CELF4: variants seen among roughly 807,000 people sequenced by gnomAD.
CELF4 encodes the protein CUGBP Elav-like family member 4.
In CELF4, 18 loss-of-function variants were observed where a neutral mutation model predicts 59.9. The ratio of observed to expected loss-of-function variants is 0.30; its 90% CI spans 0.21 to 0.45. The LOEUF is 0.45. CELF4 is among the 20% of genes least tolerant of loss of function. CELF4 has a pLI of 1.00. For synonymous variants in CELF4, 261 were observed against 267.1 expected (o/e 0.98, Z 0.22); for missense variants, 456 against 689.0 (o/e 0.66, Z 3.79).
At chr18:37,553,507 C>T (rs980449961) in intron 1 of CELF4, among the ~76,000 whole-genome samples, 2 of 152,198 alleles carry the variant, frequency 1.3e-5, no homozygotes, top group African/African-American at 4.8e-5. Flanking sequence ...GATTCTGGTG[C>T]TTTGCTAACA....
intron 1 of CELF4, among the ~76,000 whole-genome samples, chr18:37,543,528 C>T (rs2099979223): frequency 1.3e-5 from 2 of 152,154 alleles, no homozygotes; most frequent in African/African-American, 4.8e-5. Context: ...TGTGGCTCTG[C>T]CTCCTGCTCC....
chr18:37,545,756 A>G (rs2099981142), intron 1 of CELF4, among the ~76,000 whole-genome samples: 1 of 115,576 alleles, frequency 8.7e-6, no homozygotes, highest in African/African-American at 7.4e-5. Flanking sequence ...GTGGGCATAC[A>G]CACACACACA....
At chr18:37,343,748 G>A (rs551608945) in intron 2 of CELF4, among the ~76,000 whole-genome samples, 21 of 152,086 alleles carry the variant, frequency 1.4e-4, no homozygotes, top group East Asian at 9.7e-4. Context: ...CTCGTGTTCC[G>A]TGCCCTGCGA....
intron 2 of CELF4, among the ~76,000 whole-genome samples, chr18:37,384,116 T>C (rs1456681602): frequency 6.6e-6 from 1 of 151,350 alleles, no homozygotes; most frequent in African/African-American, 2.5e-5. Flanking sequence ...GAGAGATAGA[T>C]ACATGGATTG....
chr18:37,483,414 C>G (rs77466913), intron 2 of CELF4, among the ~76,000 whole-genome samples: 1 of 152,234 alleles, frequency 6.6e-6, no homozygotes, highest in East Asian at 1.9e-4. Context: ...GTTTTTGAGG[C>G]CATGAGTTTC....
chr18:37,410,480 C>A (rs2099431818), intron 2 of CELF4, among the ~76,000 whole-genome samples: 1 of 152,256 alleles, frequency 6.6e-6, no homozygotes, highest in Non-Finnish European at 1.5e-5. Context: ...GAACCTCGGG[C>A]TGGCAAACCC....
At chr18:37,336,260 G>A (rs867650707) in intron 2 of CELF4, among the ~76,000 whole-genome samples, 1 of 152,306 alleles carries the variant, frequency 6.6e-6, no homozygotes, top group South Asian at 2.1e-4. Context: ...GCCTCACTCT[G>A]TCACGCAGGC....
chr18:37,529,137 C>T (rs907910391), intron 1 of CELF4: 4 of 152,128 alleles, frequency 2.6e-5, no homozygotes, highest in African/African-American at 7.2e-5. Context: ...CTCTGTGCCT[C>T]GGTGTCCTCA....
chr18:37,385,579 C>T (rs2099090532), intron 2 of CELF4, among the ~76,000 whole-genome samples: 3 of 152,100 alleles, frequency 2.0e-5, no homozygotes, highest in African/African-American at 7.2e-5. Context: ...CTCCCCTCCA[C>T]CTCCCCCAGC....
intron 1 of CELF4, among the ~76,000 whole-genome samples, chr18:37,555,722 A>G (rs2099984579): frequency 6.6e-6 from 1 of 152,194 alleles, no homozygotes; most frequent in African/African-American, 2.4e-5. Context: ...TGGCTGTCAC[A>G]TTGCTTTAAG....
chr18:37,356,333 G>C (rs920721663), intron 2 of CELF4, among the ~76,000 whole-genome samples: 1 of 152,214 alleles, frequency 6.6e-6, no homozygotes, highest in Non-Finnish European at 1.5e-5. Context: ...CTGTGTTACA[G>C]TAATTGAAGG....
chr18:37,397,826 A>C (rs555851983), intron 2 of CELF4, among the ~76,000 whole-genome samples: 1 of 152,278 alleles, frequency 6.6e-6, no homozygotes, highest in East Asian at 1.9e-4. Context: ...AAATCTCTGA[A>C]TCTGAGCTCT....
At chr18:37,370,736 G>A (rs937026711) in intron 2 of CELF4, among the ~76,000 whole-genome samples, 2 of 152,142 alleles carry the variant, frequency 1.3e-5, no homozygotes, top group African/African-American at 4.8e-5. Context: ...CCTTTTCGCA[G>A]TTGGCCCTGC....
rs772445220 is a variant in CELF4, at chr18:37,565,339, GGGAAA to G, written c.286+12_286+16del. Reference sequence around the variant, plus strand: ...CTCCTGCTCCCCGGCAAAGTTGGGAGGGAAAGGTGTACTCACCTTTGTGCATGCCT... The same window carrying G: ...CTCCTGCTCCCCGGCAAAGTTGGGAGGGTGTACTCACCTTTGTGCATGCCT... On this transcript the variant is annotated intron_variant, in intron 1 of 12. Coordinates refer to ENST00000420428, the MANE Select transcript of CELF4 (RefSeq NM_020180.4). 6.9e-7 allele frequency: 1 copy of G among 1,457,566 alleles called. No individual in the cohort carries two copies. The highest frequency in any genetic ancestry group is 9.1e-7 in the Non-Finnish European group (1 of 1,097,934). 90.3% of individuals were successfully genotyped at this position (1,457,566 alleles called of 1,614,324 possible).
intron 2 of CELF4, among the ~76,000 whole-genome samples, chr18:37,339,674 A>G (rs2097916914): frequency 6.6e-6 from 1 of 151,874 alleles, no homozygotes; most frequent in African/African-American, 2.4e-5. Flanking sequence ...GAATCGCTTG[A>G]ACCTGGGAGG....
chr18:37,350,395 C>T (rs1394054364), intron 2 of CELF4, among the ~76,000 whole-genome samples: 1 of 152,178 alleles, frequency 6.6e-6, no homozygotes, highest in Non-Finnish European at 1.5e-5. Context: ...CTTCTCAGGA[C>T]AACAGCTCAC....
Position 37,362,893 on chromosome 18 carries a change from G to A in CELF4, c.370-41012C>T, listed in dbSNP as rs74872662. Among the ~76,000 whole-genome samples, 369 of 152,298 alleles carry A rather than the reference G, an allele frequency of 2.4e-3. 4 individuals are homozygous for A. Among genetic ancestry groups the A allele is most frequent in the African/African-American group, 7.9e-3 (329 of 41,570 alleles). On this transcript the variant is annotated intron_variant, in intron 2 of 12. Transcript: ENST00000420428. ...AGGTGGTCAGGTGTTGGTTCGGGCA[G>A]CTTCTAGGTCTGGACCAGAGAGATG...
At chr18:37,547,411 G>T (rs2099981800) in intron 1 of CELF4, among the ~76,000 whole-genome samples, 1 of 152,106 alleles carries the variant, frequency 6.6e-6, no homozygotes, top group African/African-American at 2.4e-5. Flanking sequence ...TTCCTTCCCA[G>T]TTGCCACCCC....
chr18:37,361,523 G>A (rs564807009), intron 2 of CELF4, among the ~76,000 whole-genome samples: 5 of 152,294 alleles, frequency 3.3e-5, no homozygotes, highest in African/African-American at 9.6e-5. Context: ...CACTCCTCCT[G>A]AATATGCAAA....
Sources: gnomAD v4.1 joint callset for allele counts (sites outside exome capture counted in the v4.1 genomes callset) on GRCh38, gnomAD v4.1.1 for gene constraint, MANE v1.5 for transcripts, NCBI Gene and HGNC (gene_info 2026-07-23, HGNC 2026-07-21) for gene names.